The following FOXP2 variants were observed in gnomAD, a reference collection of about 807,000 sequenced individuals.
The protein encoded by FOXP2 is forkhead box protein P2.
A neutral mutation model predicts 115.8 loss-of-function variants in FOXP2; 12 were observed. The ratio of observed to expected loss-of-function variants is 0.10; its 90% confidence interval spans 0.07 to 0.17. The LOEUF is 0.17. Among genes scored for constraint, FOXP2 ranks in the 10% least tolerant of loss-of-function variants. FOXP2 has a pLI of 1.00. For missense variants in FOXP2, 629 were observed against 843.5 expected (o/e 0.75, Z 3.15); for synonymous variants, 328 against 297.7 (o/e 1.10, Z -1.05).
In FOXP2 at chr7:114,358,177, G is replaced by C. The variant is rs1052803579; in HGVS notation, c.-10-68325G>C. Among the ~76,000 whole-genome samples, 18 of 152,124 alleles carry C rather than the reference G, an allele frequency of 1.2e-4. 1 individual carries two copies. Among genetic ancestry groups the C allele is most frequent in the Admixed American group, 1.1e-3 (17 of 15,264 alleles). On this transcript the variant is annotated intron_variant, in intron 2 of 17. Coordinates refer to the FOXP2 transcript ENST00000634411. ...ACAAGACATGATGACTTTATTAAGA[G>C]CAGCTTCCCTGAACGCACTTTCTTG... is the stretch of plus-strand genomic sequence containing the variant.
chr7:114,626,139 A>G (rs1231656134), intron 3 of FOXP2, among the ~76,000 whole-genome samples: 1 of 151,880 alleles, frequency 6.6e-6, no homozygotes, highest in African/African-American at 2.4e-5. Flanking sequence ...TGTCATAACT[A>G]TTAATTGAAA....
intron 1 of FOXP2, among the ~76,000 whole-genome samples, chr7:114,425,405 G>A (rs1793800309): frequency 6.6e-6 from 1 of 151,490 alleles, no homozygotes. Context: ...GGATTCAGAG[G>A]TCTTTGAGAG....
chr7:114,588,967 A>T (rs778472152), intron 3 of FOXP2, among the ~76,000 whole-genome samples: 2 of 152,174 alleles, frequency 1.3e-5, no homozygotes, highest in African/African-American at 2.4e-5. Context: ...ATTTTTGCTA[A>T]TTCTATTAAG....
intron 2 of FOXP2, among the ~76,000 whole-genome samples, chr7:114,527,183 C>T (rs1562977440): frequency 6.6e-6 from 1 of 151,698 alleles, no homozygotes; most frequent in Admixed American, 6.6e-5. Context: ...ATAAATATAC[C>T]GTATTTTATC....
At chr7:114,285,648 C>G (rs887036403) in intron 1 of FOXP2, among the ~76,000 whole-genome samples, 1 of 152,066 alleles carries the variant, frequency 6.6e-6, no homozygotes, top group Non-Finnish European at 1.5e-5. Flanking sequence ...CTTATCAACA[C>G]TGCGCAGAAT....
At chr7:114,214,882 T>A (rs1355447560) in intron 1 of FOXP2, among the ~76,000 whole-genome samples, 1 of 152,206 alleles carries the variant, frequency 6.6e-6, no homozygotes, top group African/African-American at 2.4e-5. Context: ...GTAGTGATAA[T>A]CTTTCAGAAA....
chr7:114,400,689 A>G (rs1253407158), intron 2 of FOXP2, among the ~76,000 whole-genome samples: 2 of 152,146 alleles, frequency 1.3e-5, no homozygotes, highest in South Asian at 2.1e-4. Context: ...AGGAGCACAC[A>G]ACCTAGATTC....
intron 16 of FOXP2, among the ~76,000 whole-genome samples, chr7:114,673,072 G>A (rs1585015715): frequency 6.6e-6 from 1 of 152,136 alleles, no homozygotes; most frequent in Non-Finnish European, 1.5e-5. Flanking sequence ...ATTTTTGACC[G>A]AAACTTGGTC....
intron 3 of FOXP2, among the ~76,000 whole-genome samples, chr7:114,571,432 G>T (rs556028698): frequency 2.6e-5 from 4 of 151,908 alleles, no homozygotes; most frequent in Admixed American, 6.6e-5. Context: ...CTCCATTCAA[G>T]AATTTTTAAA....
At chr7:114,587,059 C>T (rs1309005683) in intron 3 of FOXP2, among the ~76,000 whole-genome samples, 7 of 140,656 alleles carry the variant, frequency 5.0e-5, no homozygotes, top group African/African-American at 1.5e-4. Flanking sequence ...TGTGCTATTT[C>T]TTTTTTTTTT....
At chr7:114,331,668 T>G (rs1797719398) in intron 2 of FOXP2, among the ~76,000 whole-genome samples, 2 of 151,988 alleles carry the variant, frequency 1.3e-5, no homozygotes, top group South Asian at 4.1e-4. Context: ...TTCTTTTTTT[T>G]TTTTTCTTTT....
intron 6 of FOXP2, 90 bp downstream of exon 6, chr7:114,631,795 G>T (rs1804938772): frequency 7.2e-7 from 1 of 1,382,386 alleles, no homozygotes; most frequent in Non-Finnish European, 1.0e-6. Context: ...GAGAAATTTT[G>T]TTTTTATGAC....
At chr7:114,407,483 A>G (rs6966777) in intron 2 of FOXP2, among the ~76,000 whole-genome samples, 146,843 of 152,130 alleles carry the variant, frequency 0.97, 71,055 homozygotes, top group East Asian at 1. Context: ...GGACTTTTTA[A>G]GTTGTTTACC....
chr7:114,639,508 C>T (rs1805407410), intron 6 of FOXP2, among the ~76,000 whole-genome samples: 1 of 137,528 alleles, frequency 7.3e-6, no homozygotes, highest in South Asian at 2.3e-4. Context: ...TAAATGGTTT[C>T]AGAAACTGTT....
intron 7 of FOXP2, 137 bp from the exon 8 acceptor site, chr7:114,644,548 T>C: frequency 1.4e-6 from 1 of 714,544 alleles, no homozygotes. Context: ...ATAGAACGAT[T>C]AAATTTTTCT....
intron 1 of FOXP2, among the ~76,000 whole-genome samples, chr7:114,143,619 A>G (rs1792286237): frequency 6.6e-6 from 1 of 152,178 alleles, no homozygotes; most frequent in Admixed American, 6.5e-5. Context: ...TGACTTTAAC[A>G]GCAGGAATAG....
chr7:114,360,702 G>C (rs1791725272), intron 2 of FOXP2, among the ~76,000 whole-genome samples: 1 of 152,050 alleles, frequency 6.6e-6, no homozygotes, highest in Non-Finnish European at 1.5e-5. Context: ...GAGAATTGGT[G>C]GTGGAAAGCT....
chr7:114,294,222 C>T (rs945946249), intron 2 of FOXP2, among the ~76,000 whole-genome samples: 5 of 152,162 alleles, frequency 3.3e-5, no homozygotes, highest in African/African-American at 1.2e-4. Flanking sequence ...GAGAGTTGTG[C>T]TTACTCATGA....
chr7:114,238,944 ATT>A (rs1795081329), intron 1 of FOXP2, among the ~76,000 whole-genome samples: 1 of 148,974 alleles, frequency 6.7e-6, no homozygotes. Context: ...TAATACAAAC[ATT>A]TATAAATATA....
Sources: allele counts gnomAD v4.1 joint callset (sites outside exome capture counted in the v4.1 genomes callset), GRCh38; gene constraint gnomAD v4.1.1; transcripts MANE v1.5; gene names NCBI Gene and HGNC (gene_info 2026-07-23, HGNC 2026-07-21).